Variants in NKAIN2 observed in about 807,000 individuals in gnomAD.
The protein encoded by NKAIN2 is sodium/potassium-transporting ATPase subunit beta-1-interacting protein 2.
Under a neutral mutation model 32.6 loss-of-function variants are expected in NKAIN2, and 14 were observed. That is an observed-to-expected ratio of 0.43 (90% CI 0.28 to 0.67). The LOEUF (loss-of-function observed/expected upper bound fraction) is 0.67, where lower values mean the gene tolerates loss of function less well. Among genes scored for constraint, NKAIN2 ranks in the 30% least tolerant of loss-of-function variants. NKAIN2 has a pLI of 0.17. For synonymous variants in NKAIN2, 80 were observed against 87.2 expected (o/e 0.92, Z 0.46); for missense variants, 198 against 258.3 (o/e 0.77, Z 1.60).
intron 5 of NKAIN2, among the ~76,000 whole-genome samples, chr6:124,792,470 T>C (rs954441609): frequency 2.6e-5 from 4 of 152,192 alleles, no homozygotes; most frequent in Non-Finnish European, 4.4e-5. Context: ...TAAATAAGCA[T>C]TTGTAAAATA....
intron 1 of NKAIN2, among the ~76,000 whole-genome samples, chr6:123,818,301 TA>T (rs1773781632): frequency 6.6e-6 from 1 of 151,962 alleles, no homozygotes; most frequent in Non-Finnish European, 1.5e-5. Context: ...AATGTGATTG[TA>T]AATTTAAAAA....
chr6:123,827,430 T>G (rs766143171), intron 1 of NKAIN2, among the ~76,000 whole-genome samples: 11 of 152,146 alleles, frequency 7.2e-5, no homozygotes, highest in Non-Finnish European at 8.8e-5. Context: ...TTCTTATACA[T>G]GTACCACATG....
intron 1 of NKAIN2, among the ~76,000 whole-genome samples, chr6:124,054,483 C>A (rs1782557766): frequency 6.6e-6 from 1 of 152,004 alleles, no homozygotes; most frequent in South Asian, 2.1e-4. Flanking sequence ...GAGTGTATTG[C>A]AAGAGTATTC....
chr6:123,931,061 A>G (rs1311479537), intron 1 of NKAIN2, among the ~76,000 whole-genome samples: 1 of 152,024 alleles, frequency 6.6e-6, no homozygotes, highest in Non-Finnish European at 1.5e-5. Flanking sequence ...GGAGTCAGTC[A>G]GAAGTCCTAT....
At chr6:124,339,299 CGCACCACT>C (rs71907687) in intron 2 of NKAIN2, among the ~76,000 whole-genome samples, 20,230 of 151,996 alleles carry the variant, frequency 0.13, 1,460 homozygotes, top group African/African-American at 0.19. Context: ...GAGCCGAGAT[CGCACCACT>C]GCACTCCAGC....
intron 1 of NKAIN2, among the ~76,000 whole-genome samples, chr6:124,150,148 G>T (rs1467685124): frequency 6.6e-6 from 1 of 152,104 alleles, no homozygotes; most frequent in Non-Finnish European, 1.5e-5. Flanking sequence ...CGACCTTTCA[G>T]AAGGTTTGCA....
At chr6:124,494,946 C>A (rs919264803) in intron 3 of NKAIN2, among the ~76,000 whole-genome samples, 1 of 152,060 alleles carries the variant, frequency 6.6e-6, no homozygotes, top group Non-Finnish European at 1.5e-5. Flanking sequence ...GTGAAAAATA[C>A]TATACTTAGG....
intron 1 of NKAIN2, among the ~76,000 whole-genome samples, chr6:124,036,770 T>C (rs1246575142): frequency 6.6e-6 from 1 of 152,042 alleles, no homozygotes; most frequent in Non-Finnish European, 1.5e-5. Context: ...ACTTCAGAAG[T>C]GTGTATGTGT....
At chr6:124,492,468 G>A (rs1001403346) in intron 3 of NKAIN2, among the ~76,000 whole-genome samples, 16 of 151,868 alleles carry the variant, frequency 1.1e-4, no homozygotes, top group African/African-American at 2.9e-4. Context: ...ATAAAATGGA[G>A]TGAATTATGG....
chr6:123,834,561 T>A (rs1357207248), intron 1 of NKAIN2, among the ~76,000 whole-genome samples: 2 of 152,216 alleles, frequency 1.3e-5, no homozygotes, highest in Non-Finnish European at 2.9e-5. Context: ...GTATTTTAAT[T>A]CATTTTCTTT....
chr6:124,027,209 A>G (rs1198535008), intron 1 of NKAIN2, among the ~76,000 whole-genome samples: 3 of 149,240 alleles, frequency 2.0e-5, no homozygotes, highest in African/African-American at 7.4e-5. Context: ...GCACGATCTC[A>G]GCTCACTGCA....
chr6:124,351,896 C>T lies in NKAIN2; in HGVS notation c.193-3371C>T, dbSNP rs1345429943. On this transcript the variant is annotated intron_variant, in intron 2 of 6. Transcript: ENST00000368417. Reference sequence around the variant, plus strand: ...TCGGCCTCCCAAAGTGCTGATATTACAGGCCTGAGCCACCGCGCCCGACCC... The same window carrying T: ...TCGGCCTCCCAAAGTGCTGATATTATAGGCCTGAGCCACCGCGCCCGACCC... Among the ~76,000 whole-genome samples the T allele has an allele frequency of 2.6e-5, 4 of 152,134 alleles. No homozygotes were observed. The East Asian group carries it at 7.7e-4, about 29-fold the overall frequency.
In NKAIN2 at chr6:124,214,477, GGTGGCTCACACCTGTA is replaced by G. The variant is rs1281788387; in HGVS notation, c.55-68527_55-68512del. Reference sequence around the variant, plus strand: ...AAGGGTCAAAACTTGTGGCGGGTGTGGTGGCTCACACCTGTAATCCCAGCACTTTGGGAAGCCAAGG... The same window carrying G: ...AAGGGTCAAAACTTGTGGCGGGTGTGATCCCAGCACTTTGGGAAGCCAAGG... On this transcript the variant is annotated intron_variant, in intron 1 of 6. Coordinates refer to ENST00000368417, the MANE Select transcript of NKAIN2 (RefSeq NM_001040214.3). Among the ~76,000 whole-genome samples, 158 of 152,100 alleles carry G rather than the reference GGTGGCTCACACCTGTA, an allele frequency of 1.0e-3. 1 individual carries two copies. Among genetic ancestry groups the G allele is most frequent in the African/African-American group, 3.7e-3 (153 of 41,476 alleles).
chr6:123,955,671 T>G (rs935878919), intron 1 of NKAIN2, among the ~76,000 whole-genome samples: 6 of 151,700 alleles, frequency 4.0e-5, no homozygotes, highest in African/African-American at 1.5e-4. Flanking sequence ...TCACCCAAGC[T>G]GGAGTGCAGT....
At chr6:124,533,770 A>G (rs1427853692) in intron 3 of NKAIN2, among the ~76,000 whole-genome samples, 2 of 152,174 alleles carry the variant, frequency 1.3e-5, no homozygotes, top group African/African-American at 2.4e-5. Context: ...GGCCTAAGTA[A>G]CAAACCTTTA....
intron 1 of NKAIN2, among the ~76,000 whole-genome samples, chr6:124,027,437 G>A (rs1215801739): frequency 1.3e-5 from 2 of 152,082 alleles, no homozygotes; most frequent in African/African-American, 2.4e-5. Flanking sequence ...GAGCCACCGC[G>A]CCCAGCCAAT....
intron 3 of NKAIN2, among the ~76,000 whole-genome samples, chr6:124,546,689 T>G (rs972286892): frequency 3.3e-5 from 5 of 152,074 alleles, no homozygotes; most frequent in South Asian, 4.1e-4. Context: ...TCAAGAAATT[T>G]TATAAAGTCT....
intron 3 of NKAIN2, among the ~76,000 whole-genome samples, chr6:124,575,401 C>T (rs1473332776): frequency 3.3e-5 from 5 of 152,190 alleles, no homozygotes; most frequent in Admixed American, 6.5e-5. Context: ...ATTGCTGCCT[C>T]GTTGCAACAT....
chr6:124,271,122 A>G (rs914885502), intron 1 of NKAIN2, among the ~76,000 whole-genome samples: 13 of 152,068 alleles, frequency 8.5e-5, no homozygotes, highest in Non-Finnish European at 8.8e-5. Context: ...TCCTGCCTCC[A>G]TGTAAAAGGT....
Sources: allele counts gnomAD v4.1 joint callset (sites outside exome capture counted in the v4.1 genomes callset), GRCh38; gene constraint gnomAD v4.1.1; transcripts MANE v1.5; gene names NCBI Gene and HGNC (gene_info 2026-07-23, HGNC 2026-07-21).